The following KCNQ3 variants were observed in gnomAD, a reference collection of about 807,000 sequenced individuals.
KCNQ3 encodes the protein potassium voltage-gated channel subfamily KQT member 3.
In KCNQ3, 30 loss-of-function variants were observed where a neutral mutation model predicts 92.5. The ratio of observed to expected loss-of-function variants is 0.32; its 90% CI spans 0.24 to 0.44. The LOEUF is 0.44. KCNQ3 is among the 20% of genes least tolerant of loss of function. The pLI, the probability that KCNQ3 is intolerant of heterozygous loss-of-function variation, is 1.00. For synonymous variants in KCNQ3, 450 were observed against 468.8 expected (o/e 0.96, Z 0.52); for missense variants, 913 against 1,140.3 (o/e 0.80, Z 2.87).
intron 1 of KCNQ3, among the ~76,000 whole-genome samples, chr8:132,403,031 A>AAAAAAAAAG (rs1820385437): frequency 6.7e-6 from 1 of 149,886 alleles, no homozygotes; most frequent in African/African-American, 2.5e-5. Context: ...AAAAAAAAAA[A>AAAAAAAAAG]AGTGTCAATA....
chr8:132,328,308 C>T (rs111301880), intron 1 of KCNQ3, among the ~76,000 whole-genome samples: 2,315 of 152,278 alleles, frequency 0.015, 23 homozygotes, highest in Non-Finnish European at 0.026. Context: ...CCCCCAGTGT[C>T]ATAGTCATGC....
intron 1 of KCNQ3, among the ~76,000 whole-genome samples, chr8:132,197,461 A>G (rs570795294): frequency 4.5e-4 from 69 of 152,328 alleles, no homozygotes; most frequent in Non-Finnish European, 9.1e-4. Context: ...AGCTCTGGCA[A>G]GTCACATTCC....
intron 1 of KCNQ3, among the ~76,000 whole-genome samples, chr8:132,383,377 G>A (rs1426502824): frequency 6.6e-6 from 1 of 152,248 alleles, no homozygotes; most frequent in African/African-American, 2.4e-5. Flanking sequence ...AGGGCAGCGA[G>A]GGAGGTAGAG....
At chr8:132,212,471 G>A (rs972184917) in intron 1 of KCNQ3, among the ~76,000 whole-genome samples, 2 of 151,972 alleles carry the variant, frequency 1.3e-5, no homozygotes, top group African/African-American at 4.8e-5. Flanking sequence ...TCAGAATCAT[G>A]TTCCTTAAAC....
intron 1 of KCNQ3, among the ~76,000 whole-genome samples, chr8:132,365,778 C>G (rs754216063): frequency 7.2e-5 from 11 of 152,092 alleles, no homozygotes; most frequent in Non-Finnish European, 1.5e-4. Context: ...ACCTGTAATC[C>G]TAGCATTTTG....
chr8:132,405,369 A>G (rs1482902024), intron 1 of KCNQ3, among the ~76,000 whole-genome samples: 1 of 152,232 alleles, frequency 6.6e-6, no homozygotes, highest in Non-Finnish European at 1.5e-5. Flanking sequence ...CAAGGTCCTC[A>G]GCTCACCTTT....
In KCNQ3 at chr8:132,463,749, T is replaced by C. The variant is rs540474395; in HGVS notation, c.386+16398A>G. 1.2e-4 allele frequency among the ~76,000 whole-genome samples: 18 copies of C among 152,378 alleles called. No homozygotes were observed. In the South Asian group the frequency reaches 2.9e-3, roughly 25 times the overall value. On this transcript the variant is annotated intron_variant, in intron 1 of 14. Coordinates refer to ENST00000388996, the MANE Select transcript of KCNQ3 (RefSeq NM_004519.4). ...TCACACTTTATCATGCTCTAGGACA[T>C]AACCTTAGGGTAGGAATTATGATAC...
chr8:132,159,297 T>C (rs892997541), intron 9 of KCNQ3, among the ~76,000 whole-genome samples: 3 of 152,206 alleles, frequency 2.0e-5, no homozygotes, highest in African/African-American at 7.2e-5. Flanking sequence ...GTTTCGTCCC[T>C]CATTCTTTGA....
chr8:132,421,937 G>A (rs536950990), intron 1 of KCNQ3, among the ~76,000 whole-genome samples: 50 of 152,242 alleles, frequency 3.3e-4, no homozygotes, highest in African/African-American at 1.1e-3. Context: ...CAGGCTTTCC[G>A]TCTCCCTTCC....
At chr8:132,242,489 T>C (rs1815028383) in intron 1 of KCNQ3, among the ~76,000 whole-genome samples, 1 of 152,214 alleles carries the variant, frequency 6.6e-6, no homozygotes, top group Non-Finnish European at 1.5e-5. Flanking sequence ...AGAGTTGCAA[T>C]TTGAACCTAG....
chr8:132,464,790 A>G (rs1485650399), intron 1 of KCNQ3, among the ~76,000 whole-genome samples: 3 of 152,168 alleles, frequency 2.0e-5, no homozygotes, highest in Admixed American at 6.5e-5. Context: ...TCACACCATT[A>G]TGCAATTATT....
intron 1 of KCNQ3, among the ~76,000 whole-genome samples, chr8:132,353,589 G>A (rs905750183): frequency 4.6e-5 from 7 of 152,194 alleles, no homozygotes; most frequent in African/African-American, 7.2e-5. Context: ...TGAAGCAGGC[G>A]GATCATCTGA....
chr8:132,174,470 G>T (rs1826481651), intron 5 of KCNQ3, 121 bp from the exon 6 acceptor site: 1 of 777,542 alleles, frequency 1.3e-6, no homozygotes. Context: ...TCATAACAAG[G>T]TTCCCTTAGG....
At chr8:132,181,098 G>C (rs1456016067) in intron 3 of KCNQ3, among the ~76,000 whole-genome samples, 2 of 152,174 alleles carry the variant, frequency 1.3e-5, no homozygotes, top group African/African-American at 4.8e-5. Context: ...CATGACATGG[G>C]ATGCTGGTAT....
intron 9 of KCNQ3, among the ~76,000 whole-genome samples, chr8:132,142,038 A>G (rs575624838): frequency 1.6e-4 from 25 of 152,286 alleles, no homozygotes; most frequent in Admixed American, 7.2e-4. Context: ...CTGGCTTCCA[A>G]ATTATGGTGG....
intron 13 of KCNQ3, among the ~76,000 whole-genome samples, chr8:132,133,607 G>A (rs546444848): frequency 1.3e-5 from 2 of 152,238 alleles, no homozygotes; most frequent in South Asian, 2.1e-4. Flanking sequence ...ACCCGCCTCA[G>A]CCTCCTGAAG....
chr8:132,461,061 G>T (rs1479150268), intron 1 of KCNQ3, among the ~76,000 whole-genome samples: 4 of 152,140 alleles, frequency 2.6e-5, no homozygotes, highest in Admixed American at 2.0e-4. Flanking sequence ...TGTATTTCAT[G>T]ACTTAATATC....
intron 1 of KCNQ3, among the ~76,000 whole-genome samples, chr8:132,283,221 C>T (rs1816584967): frequency 6.7e-6 from 1 of 150,028 alleles, no homozygotes; most frequent in African/African-American, 2.4e-5. Flanking sequence ...ATTTAGTTCC[C>T]ATTTTCCAGA....
At chr8:132,346,929 A>G (rs1279070132) in intron 1 of KCNQ3, among the ~76,000 whole-genome samples, 1 of 152,218 alleles carries the variant, frequency 6.6e-6, no homozygotes, top group Non-Finnish European at 1.5e-5. Context: ...AGAATATAGT[A>G]TAGACTAGGC....
Sources: allele counts gnomAD v4.1 joint callset (sites outside exome capture counted in the v4.1 genomes callset), GRCh38; gene constraint gnomAD v4.1.1; transcripts MANE v1.5; gene names NCBI Gene and HGNC (gene_info 2026-07-23, HGNC 2026-07-21).